RABGEF1: variants seen among roughly 807,000 people sequenced by gnomAD.
The protein encoded by RABGEF1 is rab5 GDP/GTP exchange factor.
A neutral mutation model predicts 57.3 loss-of-function variants in RABGEF1; 26 were observed. The observed-to-expected ratio is 0.45, with a 90% CI of 0.33 to 0.63. RABGEF1 has a LOEUF of 0.63. RABGEF1 is among the 20% of genes least tolerant of loss of function. The pLI is 0.02. For missense variants in RABGEF1, 464 were observed against 607.6 expected, an observed-to-expected ratio of 0.76 and a Z score of 2.48; for synonymous variants, 185 against 210.7, an observed-to-expected ratio of 0.88 and a Z score of 1.06.
the RABGEF1 span, among the ~76,000 whole-genome samples, chr7:66,672,085 G>C: frequency 6.6e-6 from 1 of 151,682 alleles, no homozygotes; most frequent in Non-Finnish European, 1.5e-5. Context: ...CAAAGTGCTG[G>C]GATTATAGGC....
rs535569516 is a variant in RABGEF1 at position 66,789,665 on chromosome 7, G to A, written c.513+5824G>A. Among the ~76,000 whole-genome samples the A allele has an allele frequency of 2.5e-3, 321 of 127,040 alleles. 2 individuals are homozygous for A. Among genetic ancestry groups the A allele is most frequent in the Non-Finnish European group, 4.1e-3 (257 of 63,214 alleles). The allele number at this position is 127,040 out of a possible 152,430, so 83.3% of individuals were successfully genotyped here. On this transcript the variant is annotated intron_variant, in intron 4 of 8. Coordinates refer to ENST00000284957, the MANE Select transcript of RABGEF1 (RefSeq NM_014504.3). Reference sequence around the variant, plus strand: ...GCCACTGCACTCCAGCCTCAGCATCGGAGCGAGACTCTATCTCAAAAAAAA... The same window carrying A: ...GCCACTGCACTCCAGCCTCAGCATCAGAGCGAGACTCTATCTCAAAAAAAA...
At position 66,809,230 on chromosome 7, in the gene RABGEF1, C is replaced by T. The variant is rs539684493; in HGVS notation, c.1422C>T (p.Asn474=). 22 of 1,612,704 alleles carry T rather than the reference C, an allele frequency of 1.4e-5. No individual in the cohort carries two copies. The highest frequency in any genetic ancestry group is 9.9e-5 in the South Asian group (9 of 90,812). ...NQPLAAIDSE[N]VENDKLPPPL... is the part of the protein sequence containing the mutation. Reference sequence around the variant, plus strand: ...CGTTAGCAGCTATTGACTCTGAAAACGTTGAAAATGATAAACTTCCTCCAC... The same window carrying T: ...CGTTAGCAGCTATTGACTCTGAAAATGTTGAAAATGATAAACTTCCTCCAC... The change falls in exon 9 of 9, where the codon AAC becomes AAT. Residue 474 remains asparagine, a synonymous_variant. Transcript: ENST00000284957.
intron 2 of RABGEF1, among the ~76,000 whole-genome samples, chr7:66,719,454 CCG>C (rs1390417124): frequency 5.9e-5 from 9 of 152,288 alleles, no homozygotes; most frequent in Non-Finnish European, 1.2e-4. Context: ...CCTCGGCCCC[CCG>C]CAGTGTGCTG....
intron 1 of RABGEF1, chr7:66,712,120 A>G (rs1471168173): frequency 2.6e-5 from 4 of 152,232 alleles, no homozygotes; most frequent in Non-Finnish European, 5.9e-5. Flanking sequence ...GCATATGTCT[A>G]CAAAAATCCT....
At chr7:66,713,695 C>T (rs1795036803) in intron 2 of RABGEF1, among the ~76,000 whole-genome samples, 1 of 152,098 alleles carries the variant, frequency 6.6e-6, no homozygotes, top group South Asian at 2.1e-4. Context: ...CCCCTTTATT[C>T]CTATTTTGAA....
chr7:66,664,077 GAAAAAA>G, the RABGEF1 span, among the ~76,000 whole-genome samples: 1 of 77,874 alleles, frequency 1.3e-5, no homozygotes, highest in Admixed American at 1.4e-4. Flanking sequence ...GTCTCAAAAA[GAAAAAA>G]AAAAAAAAAA....
At chr7:66,805,811 C>T (rs1350521921) in intron 8 of RABGEF1, among the ~76,000 whole-genome samples, 3 of 152,128 alleles carry the variant, frequency 2.0e-5, no homozygotes, top group African/African-American at 7.2e-5. Context: ...GTGGTACAAT[C>T]ATAGCTCACT....
At chr7:66,727,930 C>T (rs1796773148) in intron 2 of RABGEF1, among the ~76,000 whole-genome samples, 1 of 152,168 alleles carries the variant, frequency 6.6e-6, no homozygotes, top group Admixed American at 6.5e-5. Flanking sequence ...GCCAACAAGA[C>T]CCCCAAACAC....
At chr7:66,714,234 A>G (rs1188997922) in intron 2 of RABGEF1, among the ~76,000 whole-genome samples, 3 of 152,190 alleles carry the variant, frequency 2.0e-5, no homozygotes, top group Non-Finnish European at 2.9e-5. Context: ...AACAAATTCA[A>G]TTTCGTTAAT....
Position 66,797,357 on chromosome 7 carries a change from CT to C in RABGEF1, c.596-16del, listed in dbSNP as rs1221064073. 1 of 1,569,612 alleles carries C rather than the reference CT, an allele frequency of 6.4e-7. No individual in the cohort carries two copies. The highest frequency in any genetic ancestry group is 1.2e-5 in the South Asian group (1 of 84,978). On this transcript the variant is annotated splice_polypyrimidine_tract_variant and intron_variant, in intron 5 of 8. Transcript: ENST00000284957. Reference sequence around the variant, plus strand: ...AAATATATATATCTTGATCTTTTCTCTGTCTGGTTATTTCAGTGCCTCCAGA... The same window carrying C: ...AAATATATATATCTTGATCTTTTCTCGTCTGGTTATTTCAGTGCCTCCAGA...
chr7:66,731,567 AT>A (rs1246324177), intron 2 of RABGEF1, among the ~76,000 whole-genome samples: 3 of 152,048 alleles, frequency 2.0e-5, no homozygotes. Flanking sequence ...AAAAAAAAAA[AT>A]TAGCTGGGTA....
At chr7:66,771,752 T>G (rs1217929117) in intron 1 of RABGEF1, 131 bp from the exon 2 acceptor site, 1 of 523,136 alleles carries the variant, frequency 1.9e-6, no homozygotes, top group African/African-American at 2.0e-5. Context: ...TCTCCCTCCC[T>G]CCTTCATTCC....
chr7:66,786,612 C>T (rs1304714043), intron 4 of RABGEF1, among the ~76,000 whole-genome samples: 1 of 152,172 alleles, frequency 6.6e-6, no homozygotes, highest in Non-Finnish European at 1.5e-5. Flanking sequence ...CTATGTTGCC[C>T]AGGCTGGTCT....
rs573667514 is a variant in RABGEF1, at chr7:66,759,749, GA to G, written c.-17-12133del. On this transcript the variant is annotated intron_variant, in intron 1 of 8. Coordinates refer to ENST00000284957, the MANE Select transcript of RABGEF1 (RefSeq NM_014504.3). ...ATCTCACAAGCACAGAACCACAGGG[GA>G]TGGTGCGAAACCATTCATGATTAAC... 2.5e-3 allele frequency among the ~76,000 whole-genome samples: 381 copies of G among 152,296 alleles called. 1 individual carries two copies. The highest frequency in any genetic ancestry group is 8.9e-3 in the African/African-American group (369 of 41,546).
chr7:66,758,016 CG>C (rs529493050), intron 1 of RABGEF1, among the ~76,000 whole-genome samples: 24 of 152,102 alleles, frequency 1.6e-4, no homozygotes, highest in African/African-American at 2.9e-4. Context: ...AAAAATCACC[CG>C]TAAGTTTTAT....
upstream of RABGEF1, among the ~76,000 whole-genome samples, chr7:66,677,764 A>G (rs1371846269): frequency 6.7e-6 from 1 of 148,974 alleles, no homozygotes; most frequent in East Asian, 2.0e-4. Flanking sequence ...TCCGTCTCAA[A>G]AAAAAAAAAA....
chr7:66,790,952 T>A (rs954390732), intron 4 of RABGEF1, among the ~76,000 whole-genome samples: 7 of 152,256 alleles, frequency 4.6e-5, no homozygotes, highest in African/African-American at 1.7e-4. Flanking sequence ...ATTCTGCTTT[T>A]TGGCAATCTG....
chr7:66,700,631 G>A (rs759612621), intron 1 of RABGEF1, among the ~76,000 whole-genome samples: 2 of 152,168 alleles, frequency 1.3e-5, no homozygotes, highest in South Asian at 2.1e-4. Context: ...GGGTTCGTGC[G>A]TAGCAGGGGG....
the RABGEF1 span, among the ~76,000 whole-genome samples, chr7:66,664,190 A>G: frequency 6.6e-6 from 1 of 152,104 alleles, no homozygotes; most frequent in Non-Finnish European, 1.5e-5. Flanking sequence ...GAACCTGAAG[A>G]GTTTTGGTGG....
Sources: gnomAD v4.1 joint callset for allele counts (sites outside exome capture counted in the v4.1 genomes callset) on GRCh38, gnomAD v4.1.1 for gene constraint, MANE v1.5 for transcripts, NCBI Gene and HGNC (gene_info 2026-07-23, HGNC 2026-07-21) for gene names.